Variants in RORB observed in about 807,000 individuals in gnomAD.
RORB encodes nuclear receptor ROR-beta.
In RORB, 6 loss-of-function variants were observed where a neutral mutation model predicts 59.1. The ratio of observed to expected loss-of-function variants is 0.10; its 90% confidence interval spans 0.06 to 0.20. The LOEUF is 0.20. RORB is among the 10% of genes least tolerant of loss of function. The pLI is 1.00. For synonymous variants in RORB, 215 were observed against 204.5 expected, an observed-to-expected ratio of 1.05 and a Z score of -0.44; for missense variants, 320 against 560.5, an observed-to-expected ratio of 0.57 and a Z score of 4.33.
intron 9 of RORB, among the ~76,000 whole-genome samples, chr9:74,678,727 G>C (rs900120981): frequency 7.2e-5 from 11 of 152,174 alleles, no homozygotes; most frequent in African/African-American, 2.6e-4. Context: ...GATCAAAATA[G>C]ACTTCACTAT....
At chr9:74,658,883 T>C (rs1824133785) in intron 4 of RORB, among the ~76,000 whole-genome samples, 1 of 152,202 alleles carries the variant, frequency 6.6e-6, no homozygotes, top group Non-Finnish European at 1.5e-5. Context: ...TCATAAGCAG[T>C]GCAAGTCTAG....
In RORB at chr9:74,692,521, C is replaced by A. The variant is rs1315472622; in HGVS notation, c.*6903C>A. 1.3e-5 allele frequency: 2 copies of A among 152,170 alleles called. No individual in the cohort carries two copies. The highest frequency in any genetic ancestry group is 4.8e-5 in the African/African-American group (2 of 41,450). 9.4% of individuals were successfully genotyped at this position (152,170 alleles called of 1,614,324 possible). A position where few individuals can be genotyped will look rare whatever the true frequency, so the allele number is the denominator to read the frequency against. ...TAAGTCCCGTGAAACCGTGGGCTGC[C>A]TGGGGCTTGGCTGTGCCCACTAACC... On this transcript the variant is annotated 3_prime_UTR_variant, in exon 10 of 10. Transcript: ENST00000376896.
At chr9:74,591,260 C>A (rs911918219) in intron 1 of RORB, among the ~76,000 whole-genome samples, 1 of 152,172 alleles carries the variant, frequency 6.6e-6, no homozygotes, top group African/African-American at 2.4e-5. Flanking sequence ...ACTAGCTTTA[C>A]GTCACCTTTT....
At chr9:74,627,393 TC>T (rs1436959607) in intron 1 of RORB, among the ~76,000 whole-genome samples, 1 of 152,212 alleles carries the variant, frequency 6.6e-6, no homozygotes, top group African/African-American at 2.4e-5. Flanking sequence ...GTGACTTATT[TC>T]TCTTTAAAAA....
At chr9:74,630,753 T>G (rs866822009) in intron 2 of RORB, among the ~76,000 whole-genome samples, 3 of 152,030 alleles carry the variant, frequency 2.0e-5, no homozygotes, top group Admixed American at 6.6e-5. Flanking sequence ...TATTTAACTT[T>G]CTGCTTGAGA....
At chr9:74,586,618 T>TGTGTGTGTGA (rs2118272957) in intron 1 of RORB, among the ~76,000 whole-genome samples, 1 of 151,654 alleles carries the variant, frequency 6.6e-6, no homozygotes, top group African/African-American at 2.4e-5. Flanking sequence ...TGTGTGTGTG[T>TGTGTGTGTGA]GTGTGTGTGT....
At chr9:74,585,645 G>A (rs538854046) in intron 1 of RORB, among the ~76,000 whole-genome samples, 4 of 152,166 alleles carry the variant, frequency 2.6e-5, no homozygotes, top group East Asian at 3.9e-4. Flanking sequence ...GTACTATACC[G>A]TCAACTAGTC....
intron 4 of RORB, among the ~76,000 whole-genome samples, chr9:74,643,497 G>C (rs1272616726): frequency 6.6e-6 from 1 of 152,200 alleles, no homozygotes; most frequent in Non-Finnish European, 1.5e-5. Flanking sequence ...AGAGTGCCCT[G>C]CCTTAGGCAA....
At chr9:74,664,519 G>T (rs1005925837) in intron 6 of RORB, among the ~76,000 whole-genome samples, 3 of 152,148 alleles carry the variant, frequency 2.0e-5, no homozygotes, top group African/African-American at 4.8e-5. Flanking sequence ...GATAAAAAAT[G>T]AATGTAAGAG....
rs780784823 is a variant in RORB at position 74,642,862 on chromosome 9, G to C, written c.637+47G>C. 8.3e-6 allele frequency: 12 copies of C among 1,445,560 alleles called. No individual in the cohort carries two copies. In the East Asian group the frequency reaches 2.5e-4, roughly 31 times the overall value. 89.5% of individuals were successfully genotyped at this position (1,445,560 alleles called of 1,614,324 possible). The stretch of plus-strand genomic sequence containing the variant: ...GTGGCTTTTTTTGAGATTTTGCTTT[G>C]AATTTACCTTGGTCCTATTTAGTAT... On this transcript the variant is annotated intron_variant, in intron 4 of 9. Transcript: ENST00000376896.
chr9:74,580,849 A>G (rs912600114), intron 1 of RORB, among the ~76,000 whole-genome samples: 1 of 152,180 alleles, frequency 6.6e-6, no homozygotes, highest in Admixed American at 6.5e-5. Flanking sequence ...TGTTTATAAC[A>G]GCAAAAGTAG....
At chr9:74,651,870 A>C (rs895625423) in intron 4 of RORB, among the ~76,000 whole-genome samples, 3 of 152,210 alleles carry the variant, frequency 2.0e-5, no homozygotes, top group African/African-American at 7.2e-5. Flanking sequence ...TTAACAATAG[A>C]TTCTTTCTCG....
chr9:74,532,323 T>C (rs761012747), intron 1 of RORB, among the ~76,000 whole-genome samples: 3 of 151,928 alleles, frequency 2.0e-5, no homozygotes, highest in Non-Finnish European at 4.4e-5. Context: ...TCAGTTCTGA[T>C]ATCCAGCTCC....
chr9:74,675,387 A>T (rs1210767527), intron 9 of RORB, among the ~76,000 whole-genome samples: 1 of 151,814 alleles, frequency 6.6e-6, no homozygotes, highest in East Asian at 1.9e-4. Flanking sequence ...GAGGCAGCCC[A>T]TCTGTTCTCT....
In RORB at chr9:74,591,164, C is replaced by G. The variant is rs542067844; in HGVS notation, c.8-39118C>G. Among the ~76,000 whole-genome samples, 97 of 152,292 alleles carry G rather than the reference C, an allele frequency of 6.4e-4. 2 individuals are homozygous for G. Among genetic ancestry groups the G allele is most frequent in the South Asian group, 2.1e-4 (1 of 4,822 alleles). On this transcript the variant is annotated intron_variant, in intron 1 of 9. Coordinates refer to ENST00000376896, the MANE Select transcript of RORB (RefSeq NM_006914.4). ...TGAAAAGAGGTAACGATGAAGATCCCTTCTTCCAAGCATTAGAAAGCACTA... is the reference window on the plus strand; with the variant it reads ...TGAAAAGAGGTAACGATGAAGATCCGTTCTTCCAAGCATTAGAAAGCACTA...
rs1440053794 is a variant in RORB at position 74,685,794 on chromosome 9, G to T, written c.*176G>T. 2.3e-4 allele frequency: 94 copies of T among 414,680 alleles called. No individual in the cohort carries two copies. The highest frequency in any genetic ancestry group is 2.1e-5 in the Non-Finnish European group (5 of 240,452). 25.7% of individuals were successfully genotyped at this position (414,680 alleles called of 1,614,324 possible). A position where few individuals can be genotyped will look rare whatever the true frequency, so the allele number is the denominator to read the frequency against. On this transcript the variant is annotated 3_prime_UTR_variant, in exon 10 of 10. Coordinates refer to ENST00000376896, the MANE Select transcript of RORB (RefSeq NM_006914.4). Reference sequence around the variant, plus strand: ...GAATGTAAATATGCACCTGAGTGGGGCTCTTTTATTTGTTTGTTTGTTTTT... The same window carrying T: ...GAATGTAAATATGCACCTGAGTGGGTCTCTTTTATTTGTTTGTTTGTTTTT...
intron 1 of RORB, among the ~76,000 whole-genome samples, chr9:74,598,372 C>G (rs567377813): frequency 2.0e-5 from 3 of 152,292 alleles, no homozygotes; most frequent in Admixed American, 6.5e-5. Flanking sequence ...ACAGCCCACT[C>G]TCGATCTGCA....
intron 1 of RORB, among the ~76,000 whole-genome samples, chr9:74,581,341 T>C (rs1822720146): frequency 6.6e-6 from 1 of 152,168 alleles, no homozygotes; most frequent in Non-Finnish European, 1.5e-5. Context: ...CCATGTGCTC[T>C]ACTGCTACAT....
rs1376787424 is a variant in RORB at position 74,689,845 on chromosome 9, G to A, written c.*4227G>A. On this transcript the variant is annotated 3_prime_UTR_variant, in exon 10 of 10. Coordinates refer to ENST00000376896, the MANE Select transcript of RORB (RefSeq NM_006914.4). ...CAGCTTTTTTCAAAAACAACAATCA[G>A]ATGCAAATAATGGCAGTGTTGTTCT... 1 of 152,154 alleles carries A rather than the reference G, an allele frequency of 6.6e-6. No homozygotes were observed. Among genetic ancestry groups the A allele is most frequent in the Non-Finnish European group, 1.5e-5 (1 of 68,028 alleles). 9.4% of individuals were successfully genotyped at this position (152,154 alleles called of 1,614,324 possible).
Sources: allele counts gnomAD v4.1 joint callset (sites outside exome capture counted in the v4.1 genomes callset), GRCh38; gene constraint gnomAD v4.1.1; transcripts MANE v1.5; gene names NCBI Gene and HGNC (gene_info 2026-07-23, HGNC 2026-07-21).